The following RERE variants were observed in gnomAD, a reference collection of about 807,000 sequenced individuals.
The protein encoded by RERE is arginine-glutamic acid dipeptide repeats, also known as arginine-glutamic acid dipeptide repeats protein.
A neutral mutation model predicts 146.1 loss-of-function variants in RERE; 40 were observed. The ratio of observed to expected loss-of-function variants is 0.27; its 90% CI spans 0.21 to 0.36. The LOEUF (loss-of-function observed/expected upper bound fraction) is 0.36, where lower values mean the gene tolerates loss of function less well. Among genes scored for constraint, RERE ranks in the 10% least tolerant of loss-of-function variants. RERE has a pLI of 1.00. For missense variants in RERE, 1,933 were observed against 2,138.7 expected, an observed-to-expected ratio of 0.90 and a Z score of 1.90; for synonymous variants, 1,003 against 866.0, an observed-to-expected ratio of 1.16 and a Z score of -2.78.
chr1:8,542,803 G>A (rs1300562719), intron 6 of RERE, among the ~76,000 whole-genome samples: 1 of 152,138 alleles, frequency 6.6e-6, no homozygotes, highest in African/African-American at 2.4e-5. Flanking sequence ...ACTGCACCCA[G>A]CCCCCATCTC....
intron 1 of RERE, among the ~76,000 whole-genome samples, chr1:8,804,815 G>A (rs1377205564): frequency 6.6e-6 from 1 of 152,046 alleles, no homozygotes; most frequent in South Asian, 2.1e-4. Context: ...GTAGCATACT[G>A]GTTCAGGACT....
intron 1 of RERE, among the ~76,000 whole-genome samples, chr1:8,768,481 G>C (rs142147310): frequency 6.6e-6 from 1 of 152,194 alleles, no homozygotes; most frequent in Non-Finnish European, 1.5e-5. Context: ...GAAATATACT[G>C]TATCTGTGCT....
At chr1:8,539,297 T>C (rs1488834091) in intron 7 of RERE, among the ~76,000 whole-genome samples, 1 of 152,232 alleles carries the variant, frequency 6.6e-6, no homozygotes, top group Admixed American at 6.5e-5. Flanking sequence ...AAATATCAGA[T>C]GCTTAAGAAA....
At chr1:8,632,973 T>C (rs530348544) in intron 2 of RERE, among the ~76,000 whole-genome samples, 3 of 152,338 alleles carry the variant, frequency 2.0e-5, no homozygotes, top group Admixed American at 6.5e-5. Context: ...GATGATTTTC[T>C]TATATATTTC....
intron 10 of RERE, among the ~76,000 whole-genome samples, chr1:8,481,268 C>A (rs1570311268): frequency 1.3e-5 from 2 of 152,174 alleles, no homozygotes; most frequent in East Asian, 3.8e-4. Context: ...AGGAGCATAC[C>A]ACCATGCCCA....
At chr1:8,682,063 C>T (rs1638984132) in intron 1 of RERE, among the ~76,000 whole-genome samples, 1 of 152,132 alleles carries the variant, frequency 6.6e-6, no homozygotes, top group African/African-American at 2.4e-5. Context: ...ATCTCCTTTA[C>T]TCTGAACCCT....
chr1:8,386,676 G>C (rs1481861159), intron 12 of RERE, among the ~76,000 whole-genome samples: 2 of 151,616 alleles, frequency 1.3e-5, no homozygotes, highest in Non-Finnish European at 2.9e-5. Flanking sequence ...ACTCATTATA[G>C]GATGCCCAAT....
intron 11 of RERE, among the ~76,000 whole-genome samples, chr1:8,450,337 C>T (rs1644376044): frequency 6.6e-6 from 1 of 150,866 alleles, no homozygotes; most frequent in Admixed American, 6.6e-5. Flanking sequence ...ACTGAGAAGC[C>T]AGGAGCTCCA....
At chr1:8,504,777 C>A (rs1389853200) in intron 8 of RERE, among the ~76,000 whole-genome samples, 1 of 151,930 alleles carries the variant, frequency 6.6e-6, no homozygotes, top group African/African-American at 2.4e-5. Flanking sequence ...GGCTTGAACC[C>A]GGGAGGCGGA....
chr1:8,396,641 G>T (rs553030362), intron 12 of RERE, among the ~76,000 whole-genome samples: 1 of 152,190 alleles, frequency 6.6e-6, no homozygotes, highest in South Asian at 2.1e-4. Context: ...AACCCAACTC[G>T]AATTAACTTA....
chr1:8,582,849 A>G (rs535115060), intron 4 of RERE, among the ~76,000 whole-genome samples: 8 of 152,320 alleles, frequency 5.3e-5, no homozygotes, highest in East Asian at 3.9e-4. Context: ...TCACAGGCCA[A>G]TTAGGGTACT....
At chr1:8,694,664 C>T (rs1481434757) in intron 1 of RERE, among the ~76,000 whole-genome samples, 1 of 151,462 alleles carries the variant, frequency 6.6e-6, no homozygotes, top group Non-Finnish European at 1.5e-5. Context: ...GAGACTGAGG[C>T]AGGAGAATCA....
At chr1:8,638,670 T>A (rs532774558) in intron 2 of RERE, among the ~76,000 whole-genome samples, 22 of 152,284 alleles carry the variant, frequency 1.4e-4, no homozygotes, top group African/African-American at 5.3e-4. Context: ...AGTGGTTAAG[T>A]AGCTTCTATT....
intron 10 of RERE, among the ~76,000 whole-genome samples, chr1:8,469,143 T>C (rs907755470): frequency 2.0e-5 from 3 of 152,014 alleles, no homozygotes; most frequent in Admixed American, 1.3e-4. Flanking sequence ...GCTACATCTT[T>C]TAAAAAGAAA....
intron 1 of RERE, among the ~76,000 whole-genome samples, chr1:8,685,848 A>C (rs1263401964): frequency 2.0e-5 from 3 of 152,192 alleles, no homozygotes; most frequent in Admixed American, 2.0e-4. Flanking sequence ...AAAACATCAG[A>C]GTTCCATTTA....
At chr1:8,635,211 A>G (rs1158124925) in intron 2 of RERE, among the ~76,000 whole-genome samples, 1 of 152,064 alleles carries the variant, frequency 6.6e-6, no homozygotes, top group Non-Finnish European at 1.5e-5. Context: ...GTAATTTCCA[A>G]TCATCTATCT....
intron 4 of RERE, among the ~76,000 whole-genome samples, chr1:8,603,025 G>A (rs1013737397): frequency 6.6e-6 from 1 of 152,236 alleles, no homozygotes; most frequent in Non-Finnish European, 1.5e-5. Context: ...TGAGAATGAT[G>A]CTGGCTGACA....
chr1:8,609,813 G>GT (rs1449054489), intron 4 of RERE, among the ~76,000 whole-genome samples: 2 of 152,166 alleles, frequency 1.3e-5, no homozygotes, highest in East Asian at 3.8e-4. Context: ...CTTACTAATG[G>GT]TAAGTGCCTT....
At chr1:8,410,391 A>G (rs1323539142) in intron 12 of RERE, among the ~76,000 whole-genome samples, 2 of 152,204 alleles carry the variant, frequency 1.3e-5, no homozygotes, top group Non-Finnish European at 2.9e-5. Context: ...TGTGCCAACT[A>G]CACAGGCCCA....
Sources: gnomAD v4.1 joint callset for allele counts (sites outside exome capture counted in the v4.1 genomes callset) on GRCh38, gnomAD v4.1.1 for gene constraint, MANE v1.5 for transcripts, NCBI Gene and HGNC (gene_info 2026-07-23, HGNC 2026-07-21) for gene names.